Variants in KCTD16 observed in about 807,000 individuals in gnomAD.
The protein encoded by KCTD16 is BTB/POZ domain-containing protein KCTD16.
KCTD16 carries 13 observed loss-of-function variants against 33.2 expected under a neutral mutation model. That is an observed-to-expected ratio of 0.39 (90% CI 0.25 to 0.62). KCTD16 has a LOEUF of 0.62. KCTD16 is among the 20% of genes least tolerant of loss of function. The probability of loss-of-function intolerance (pLI) is 0.50; values close to 1 mark genes in which losing one functional copy is unlikely to be tolerated. For synonymous variants in KCTD16, 197 were observed against 195.3 expected, an observed-to-expected ratio of 1.01 and a Z score of -0.07; for missense variants, 441 against 525.1, an observed-to-expected ratio of 0.84 and a Z score of 1.57.
chr5:144,272,294 G>A (rs1424134651), intron 3 of KCTD16, among the ~76,000 whole-genome samples: 6 of 152,076 alleles, frequency 3.9e-5, no homozygotes, highest in African/African-American at 1.4e-4. Flanking sequence ...GCCAGATGTG[G>A]TGATCCATAC....
chr5:144,266,172 T>C (rs1416075510), intron 3 of KCTD16, among the ~76,000 whole-genome samples: 2 of 152,160 alleles, frequency 1.3e-5, no homozygotes, highest in Non-Finnish European at 2.9e-5. Flanking sequence ...AAACAACAAA[T>C]ATATGTAAGT....
intron 3 of KCTD16, among the ~76,000 whole-genome samples, chr5:144,455,443 C>T (rs1364091264): frequency 6.6e-6 from 1 of 151,946 alleles, no homozygotes; most frequent in Non-Finnish European, 1.5e-5. Flanking sequence ...ATCACATTGG[C>T]AGATAATTTG....
At chr5:144,348,521 G>A (rs1041291166) in intron 3 of KCTD16, among the ~76,000 whole-genome samples, 1 of 152,136 alleles carries the variant, frequency 6.6e-6, no homozygotes, top group African/African-American at 2.4e-5. Context: ...TATTGAGCGG[G>A]TCAGTAGTTG....
chr5:144,472,612 G>A (rs1331591008), intron 3 of KCTD16, among the ~76,000 whole-genome samples: 2 of 152,114 alleles, frequency 1.3e-5, no homozygotes, highest in Non-Finnish European at 2.9e-5. Context: ...GTTATAATAT[G>A]GTCTTTTATT....
chr5:144,465,779 C>CTT (rs780109122), intron 3 of KCTD16, among the ~76,000 whole-genome samples: 24,415 of 128,022 alleles, frequency 0.19, 2,957 homozygotes, highest in East Asian at 0.38. Context: ...CCAAATTTAA[C>CTT]TTTTTTGTTT....
intron 3 of KCTD16, among the ~76,000 whole-genome samples, chr5:144,324,052 C>A (rs1244481610): frequency 6.6e-6 from 1 of 152,104 alleles, no homozygotes; most frequent in African/African-American, 2.4e-5. Context: ...ATTCTGTGTG[C>A]CTTTTGTTTT....
intron 3 of KCTD16, among the ~76,000 whole-genome samples, chr5:144,239,345 A>G (rs1754338534): frequency 6.6e-6 from 1 of 152,132 alleles, no homozygotes; most frequent in South Asian, 2.1e-4. Context: ...GATTTCAGCT[A>G]AAGAAATGTG....
intron 3 of KCTD16, among the ~76,000 whole-genome samples, chr5:144,342,627 T>G (rs1237426250): frequency 6.6e-6 from 1 of 152,042 alleles, no homozygotes; most frequent in Non-Finnish European, 1.5e-5. Flanking sequence ...TGAATCGGAG[T>G]GGTGAGAGAG....
intron 3 of KCTD16, among the ~76,000 whole-genome samples, chr5:144,353,261 T>G (rs1429952930): frequency 6.6e-6 from 1 of 152,210 alleles, no homozygotes; most frequent in African/African-American, 2.4e-5. Flanking sequence ...TGCTCATTCT[T>G]CTGTGTGGGG....
At chr5:144,309,236 C>T (rs1751691781) in intron 3 of KCTD16, among the ~76,000 whole-genome samples, 1 of 152,152 alleles carries the variant, frequency 6.6e-6, no homozygotes, top group African/African-American at 2.4e-5. Flanking sequence ...GCTCAAAGGA[C>T]TTTATGCACT....
intron 3 of KCTD16, among the ~76,000 whole-genome samples, chr5:144,413,048 C>T (rs1320143560): frequency 6.6e-6 from 1 of 152,164 alleles, no homozygotes; most frequent in Non-Finnish European, 1.5e-5. Context: ...ATTCCAGTTA[C>T]ACTGATTTGA....
At chr5:144,313,855 C>A (rs1055821626) in intron 3 of KCTD16, among the ~76,000 whole-genome samples, 2 of 152,118 alleles carry the variant, frequency 1.3e-5, no homozygotes, top group African/African-American at 4.8e-5. Flanking sequence ...AGTAATAGTA[C>A]TTATTAAGCC....
intron 3 of KCTD16, among the ~76,000 whole-genome samples, chr5:144,342,188 T>A (rs564006229): frequency 5.3e-5 from 8 of 152,318 alleles, no homozygotes; most frequent in African/African-American, 1.7e-4. Flanking sequence ...TTCACGATAT[T>A]GATTCTTCCT....
chr5:144,367,675 T>G (rs1209516524), intron 3 of KCTD16, among the ~76,000 whole-genome samples: 1 of 151,944 alleles, frequency 6.6e-6, no homozygotes, highest in Non-Finnish European at 1.5e-5. Flanking sequence ...TGTTTTATTT[T>G]TAATTCTTTC....
At chr5:144,445,052 TC>T (rs1437038491) in intron 3 of KCTD16, among the ~76,000 whole-genome samples, 1 of 151,452 alleles carries the variant, frequency 6.6e-6, no homozygotes, top group African/African-American at 2.4e-5. Flanking sequence ...TTTGTTCTGT[TC>T]CCTTGCCTCA....
At chr5:144,275,953 A>G (rs946621934) in intron 3 of KCTD16, among the ~76,000 whole-genome samples, 4 of 152,238 alleles carry the variant, frequency 2.6e-5, no homozygotes, top group Admixed American at 2.6e-4. Context: ...TGACATTGTC[A>G]TTCCAGGTTA....
chr5:144,356,475 G>A (rs1406492346), intron 3 of KCTD16, among the ~76,000 whole-genome samples: 1 of 151,822 alleles, frequency 6.6e-6, no homozygotes, highest in Non-Finnish European at 1.5e-5. Context: ...AAGACAAGGG[G>A]GCAACCATTC....
intron 3 of KCTD16, among the ~76,000 whole-genome samples, chr5:144,294,753 G>T (rs1251136315): frequency 6.6e-6 from 1 of 152,158 alleles, no homozygotes; most frequent in African/African-American, 2.4e-5. Flanking sequence ...TTTACAATGT[G>T]CATATGCCAT....
At chr5:144,421,880 C>G (rs368982005) in intron 3 of KCTD16, among the ~76,000 whole-genome samples, 15 of 151,972 alleles carry the variant, frequency 9.9e-5, no homozygotes, top group Non-Finnish European at 2.1e-4. Context: ...AACAAGTGGA[C>G]AGAAATCATA....
Sources: gnomAD v4.1 joint callset for allele counts (sites outside exome capture counted in the v4.1 genomes callset) on GRCh38, gnomAD v4.1.1 for gene constraint, MANE v1.5 for transcripts, NCBI Gene and HGNC (gene_info 2026-07-23, HGNC 2026-07-21) for gene names.